SV2C: variants seen among roughly 807,000 people sequenced by gnomAD.
SV2C encodes solute carrier family 22 member B3.
In SV2C, 49 loss-of-function variants were observed where a neutral mutation model predicts 79.7. The ratio of observed to expected loss-of-function variants is 0.61; its 90% confidence interval spans 0.49 to 0.78. The LOEUF (loss-of-function observed/expected upper bound fraction) is 0.78. Among genes scored for constraint, SV2C ranks in the 30% least tolerant of loss-of-function variants. The pLI is 0.00. For synonymous variants in SV2C, 334 were observed against 333.2 expected (o/e 1.00, Z -0.03); for missense variants, 833 against 912.9 (o/e 0.91, Z 1.13).
intron 2 of SV2C, among the ~76,000 whole-genome samples, chr5:76,148,144 C>A (rs1316926396): frequency 6.6e-6 from 1 of 152,108 alleles, no homozygotes; most frequent in Admixed American, 6.5e-5. Flanking sequence ...TGTCCAGAAA[C>A]CAAGTTCAAG....
chr5:76,088,903 C>T (rs1747286221), intron 1 of SV2C, among the ~76,000 whole-genome samples: 1 of 152,138 alleles, frequency 6.6e-6, no homozygotes, highest in Non-Finnish European at 1.5e-5. Flanking sequence ...TTGTATTAAT[C>T]TTGCTGATTT....
chr5:75,871,816 A>AAT, the SV2C span, among the ~76,000 whole-genome samples: 218 of 116,844 alleles, frequency 1.9e-3, 1 homozygote, highest in Middle Eastern at 4.2e-3. Context: ...CAAATATATA[A>AAT]ATATATATAT....
chr5:76,132,183 T>G lies in SV2C; in HGVS notation c.433T>G (p.Cys145Gly). The G allele has an allele frequency of 1.2e-6, 2 of 1,614,160 alleles. No individual in the cohort carries two copies. The highest frequency in any genetic ancestry group is 1.7e-6 in the Non-Finnish European group (2 of 1,180,030). The change falls in exon 2 of 13, where the codon TGC becomes GGC. Residue 145 changes from cysteine to glycine, a missense_variant. Transcript: ENST00000502798. ...GCAGTATGAGCTGATAATCCAAGAA[T>G]GCGGTCATGGTCGTTTTCAGTGGGC... is the stretch of plus-strand genomic sequence containing the variant. ...AQQYELIIQE[C>G]GHGRFQWALF...
the SV2C span, among the ~76,000 whole-genome samples, chr5:76,056,989 C>T: frequency 0.014 from 2,062 of 152,076 alleles, 56 homozygotes; most frequent in African/African-American, 0.047. Flanking sequence ...GTGTCTCTAT[C>T]TCCTTCAGTT....
intron 2 of SV2C, among the ~76,000 whole-genome samples, chr5:76,144,896 G>A (rs139808659): frequency 6.6e-6 from 1 of 152,178 alleles, no homozygotes; most frequent in East Asian, 1.9e-4. Context: ...GAAATTCTGA[G>A]AAATGAGGGA....
the SV2C span, among the ~76,000 whole-genome samples, chr5:75,928,542 T>C: frequency 2.0e-5 from 3 of 152,174 alleles, no homozygotes; most frequent in Non-Finnish European, 4.4e-5. Flanking sequence ...AATCAGAATT[T>C]TGGATGCAGA....
At chr5:75,899,440 G>A in the SV2C span, among the ~76,000 whole-genome samples, 1 of 152,128 alleles carries the variant, frequency 6.6e-6, no homozygotes, top group African/African-American at 2.4e-5. Context: ...GAGATAGTTT[G>A]TTATAATTTC....
At chr5:76,248,692 C>T (rs1019784551) in intron 4 of SV2C, among the ~76,000 whole-genome samples, 2 of 151,100 alleles carry the variant, frequency 1.3e-5, no homozygotes, top group African/African-American at 2.4e-5. Flanking sequence ...GATCTTGGCT[C>T]ACTGCAACCT....
intron 12 of SV2C, among the ~76,000 whole-genome samples, chr5:76,307,128 G>A (rs1748219499): frequency 6.6e-6 from 1 of 152,106 alleles, no homozygotes; most frequent in Non-Finnish European, 1.5e-5. Context: ...TGAATCTGTA[G>A]GTTTACAGCT....
At chr5:76,219,887 G>C (rs1480242897) in intron 4 of SV2C, among the ~76,000 whole-genome samples, 1 of 152,238 alleles carries the variant, frequency 6.6e-6, no homozygotes, top group Non-Finnish European at 1.5e-5. Flanking sequence ...AGAAAAGGAA[G>C]TGATGTCAGG....
chr5:76,056,545 A>C, the SV2C span, among the ~76,000 whole-genome samples: 13 of 148,700 alleles, frequency 8.7e-5, no homozygotes, highest in African/African-American at 3.2e-4. Flanking sequence ...TCAATTGTTT[A>C]GTTTCAGAAA....
At chr5:76,067,287 A>G in the SV2C span, among the ~76,000 whole-genome samples, 1 of 152,016 alleles carries the variant, frequency 6.6e-6, no homozygotes, top group East Asian at 1.9e-4. Flanking sequence ...GTGTGGTAAG[A>G]CTATCAAGCC....
the SV2C span, among the ~76,000 whole-genome samples, chr5:75,934,319 T>TTTTTTTTTTTC: frequency 6.8e-6 from 1 of 146,974 alleles, no homozygotes; most frequent in African/African-American, 2.6e-5. Flanking sequence ...TTTTTTTTTT[T>TTTTTTTTTTTC]CACTGTCGCT....
the SV2C span, among the ~76,000 whole-genome samples, chr5:76,068,173 G>C: frequency 3.3e-5 from 5 of 152,070 alleles, no homozygotes; most frequent in Admixed American, 1.3e-4. Flanking sequence ...GCTTAGTAAG[G>C]ATAACATGGT....
chr5:76,243,477 T>G (rs548271799), intron 4 of SV2C, among the ~76,000 whole-genome samples: 1 of 152,290 alleles, frequency 6.6e-6, no homozygotes, highest in East Asian at 1.9e-4. Context: ...TGCTTTTGAC[T>G]GGGAAGAGAG....
chr5:76,087,404 T>C (rs1318660173), intron 1 of SV2C, among the ~76,000 whole-genome samples: 3 of 152,234 alleles, frequency 2.0e-5, no homozygotes, highest in Non-Finnish European at 1.5e-5. Context: ...CCTTGGACCC[T>C]CTTACAAGTC....
chr5:76,248,776 G>A (rs1311479061), intron 4 of SV2C, among the ~76,000 whole-genome samples: 2 of 151,942 alleles, frequency 1.3e-5, no homozygotes, highest in Non-Finnish European at 2.9e-5. Context: ...GCACCACCAC[G>A]CCCAGCTAAT....
At chr5:75,896,568 G>C in the SV2C span, among the ~76,000 whole-genome samples, 1 of 151,830 alleles carries the variant, frequency 6.6e-6, no homozygotes, top group Non-Finnish European at 1.5e-5. Flanking sequence ...TAGTCCTTTG[G>C]GTATATACCC....
At chr5:75,932,246 G>C in the SV2C span, among the ~76,000 whole-genome samples, 1 of 152,178 alleles carries the variant, frequency 6.6e-6, no homozygotes, top group East Asian at 1.9e-4. Context: ...GAGTATAAAG[G>C]CTTGGCCAAC....
Sources: allele counts gnomAD v4.1 joint callset (sites outside exome capture counted in the v4.1 genomes callset), GRCh38; gene constraint gnomAD v4.1.1; transcripts MANE v1.5; gene names NCBI Gene and HGNC (gene_info 2026-07-23, HGNC 2026-07-21).